The following MINDY4 variants were observed in gnomAD, a reference collection of about 807,000 sequenced individuals.
The protein encoded by MINDY4 is MINDY lysine 48 deubiquitinase 4, also known as probable ubiquitin carboxyl-terminal hydrolase MINDY-4.
In MINDY4, 68 loss-of-function variants were observed where a neutral mutation model predicts 87.0. The observed-to-expected ratio is 0.78, with a 90% CI of 0.64 to 0.96. MINDY4 has a LOEUF of 0.96. Ranked by LOEUF, MINDY4 falls within the 40% of genes least tolerant of loss-of-function variation. MINDY4 has a pLI of 0.00. For missense variants in MINDY4, 919 were observed against 928.2 expected (o/e 0.99, Z 0.13); for synonymous variants, 379 against 363.2 (o/e 1.04, Z -0.50).
chr7:30,801,494 C>T lies in MINDY4; in HGVS notation c.1073+9920C>T, dbSNP rs182190412. Among the ~76,000 whole-genome samples, 35 of 152,122 alleles carry T rather than the reference C, an allele frequency of 2.3e-4. No individual in the cohort carries two copies. In the East Asian group the frequency reaches 3.3e-3, roughly 14 times the overall value. On this transcript the variant is annotated intron_variant, in intron 5 of 17. Coordinates refer to ENST00000265299, the MANE Select transcript of MINDY4 (RefSeq NM_032222.3). ...GTCCTCCACACCTGCCATTGATGCC[C>T]GATGCTCAGCCACTTCTCCCCACTT...
intron 2 of MINDY4, chr7:30,780,089 C>G (rs1386723810): frequency 6.6e-6 from 1 of 152,220 alleles, no homozygotes; most frequent in Non-Finnish European, 1.5e-5. Flanking sequence ...CTATCAGAGG[C>G]TCAGTGAAGA....
At chr7:30,798,063 A>G (rs1441769616) in intron 5 of MINDY4, among the ~76,000 whole-genome samples, 1 of 152,176 alleles carries the variant, frequency 6.6e-6, no homozygotes, top group East Asian at 1.9e-4. Context: ...CATAGAGTGT[A>G]CTTACACTGA....
intron 6 of MINDY4, among the ~76,000 whole-genome samples, chr7:30,831,179 T>C (rs1157080898): frequency 6.6e-6 from 1 of 152,144 alleles, no homozygotes; most frequent in East Asian, 1.9e-4. Context: ...ATCCAATGGG[T>C]ATTTCAGGAC....
In MINDY4 at chr7:30,838,311, AGAGG is replaced by A. The variant is rs937721068; in HGVS notation, c.1240-887_1240-884del. Among the ~76,000 whole-genome samples the A allele has an allele frequency of 3.9e-3, 588 of 152,240 alleles. 3 individuals carry two copies. Among genetic ancestry groups the A allele is most frequent in the African/African-American group, 0.014 (568 of 41,538 alleles). On this transcript the variant is annotated intron_variant, in intron 7 of 17. Coordinates refer to ENST00000265299, the MANE Select transcript of MINDY4 (RefSeq NM_032222.3). ...CTGGAGAAGACAGCCGTGAGAAAGT[AGAGG>A]GGCTGCCTTGAGAGGTGGTGGGAAC...
At chr7:30,798,646 G>A (rs1311794403) in intron 5 of MINDY4, among the ~76,000 whole-genome samples, 4 of 152,254 alleles carry the variant, frequency 2.6e-5, no homozygotes, top group African/African-American at 7.2e-5. Context: ...GCAGTCGCCC[G>A]CCACCACGCC....
At chr7:30,871,948 C>A (rs776077961) in intron 13 of MINDY4, among the ~76,000 whole-genome samples, 1 of 152,166 alleles carries the variant, frequency 6.6e-6, no homozygotes, top group Non-Finnish European at 1.5e-5. Context: ...TCCTCTCTAC[C>A]GTGTCACGCT....
chr7:30,819,892 A>ATTTTTTTTT (rs60124746), intron 5 of MINDY4, among the ~76,000 whole-genome samples: 2 of 96,660 alleles, frequency 2.1e-5, no homozygotes, highest in Non-Finnish European at 3.8e-5. Context: ...CATATAGATA[A>ATTTTTTTTT]TTTTTTTTTT....
intron 9 of MINDY4, among the ~76,000 whole-genome samples, chr7:30,844,361 C>T (rs75003077): frequency 0.017 from 2,614 of 152,232 alleles, 65 homozygotes; most frequent in East Asian, 0.13. Context: ...TCTCCCCTGA[C>T]CCCAGCAAGG....
At chr7:30,861,244 C>A (rs73076220) in intron 13 of MINDY4, among the ~76,000 whole-genome samples, 6 of 152,344 alleles carry the variant, frequency 3.9e-5, no homozygotes, top group Non-Finnish European at 7.3e-5. Context: ...GCCTCCCCTT[C>A]CCCTCTCCTA....
intron 8 of MINDY4, among the ~76,000 whole-genome samples, chr7:30,839,868 T>A (rs1018380978): frequency 6.6e-6 from 1 of 152,094 alleles, no homozygotes; most frequent in African/African-American, 2.4e-5. Flanking sequence ...AGAACATGGC[T>A]TATACCCAGT....
intron 5 of MINDY4, among the ~76,000 whole-genome samples, chr7:30,818,695 G>A (rs1051825968): frequency 2.0e-5 from 3 of 152,190 alleles, no homozygotes; most frequent in Non-Finnish European, 4.4e-5. Flanking sequence ...GAACACATCA[G>A]TAAAACTCTT....
chr7:30,779,784 T>G (rs1786951708), intron 2 of MINDY4: 1 of 152,208 alleles, frequency 6.6e-6, no homozygotes, highest in Non-Finnish European at 1.5e-5. Context: ...TCAAGCATAT[T>G]TTAACTGTAA....
chr7:30,866,578 A>C (rs10277002), intron 13 of MINDY4, among the ~76,000 whole-genome samples: 28,097 of 152,096 alleles, frequency 0.18, 3,972 homozygotes, highest in African/African-American at 0.39. Context: ...GTTGGTGGGT[A>C]CCCTTAGGAA....
intron 15 of MINDY4, among the ~76,000 whole-genome samples, chr7:30,877,491 T>G (rs1241563734): frequency 1.3e-5 from 2 of 152,116 alleles, no homozygotes; most frequent in African/African-American, 4.8e-5. Context: ...CTGGGAGTTT[T>G]GTTTCCCTGC....
chr7:30,865,974 G>A (rs1789921677), intron 13 of MINDY4, among the ~76,000 whole-genome samples: 1 of 152,240 alleles, frequency 6.6e-6, no homozygotes, highest in Non-Finnish European at 1.5e-5. Context: ...TTGACTACCT[G>A]CTGTCCTCTC....
At chr7:30,831,228 C>T (rs149625570) in intron 6 of MINDY4, among the ~76,000 whole-genome samples, 45 of 152,334 alleles carry the variant, frequency 3.0e-4, no homozygotes, top group African/African-American at 9.9e-4. Context: ...TTTCCCTGAG[C>T]ATTTATAGCA....
rs768186750 is a variant in MINDY4 at position 30,785,838 on chromosome 7, G to T, written c.509G>T (p.Gly170Val). The T allele has an allele frequency of 1.2e-6, 2 of 1,614,224 alleles. No homozygotes were observed. The highest frequency in any genetic ancestry group is 3.3e-5 in the Admixed American group (2 of 60,032). Residue 170 changes from glycine to valine, a missense_variant, in exon 4 of 18, where the codon GGT becomes GTT. Transcript: ENST00000265299. ...AGTAAGCCCATGCAGACGGTCCCGG[G>T]TGAAACTCCTGTGTTGACTTCTGCA... Reference protein sequence around the residue: ...HKSKPMQTVPGETPVLTSAWE... With the variant: ...HKSKPMQTVPVETPVLTSAWE...
intron 7 of MINDY4, 55 bp from the exon 8 acceptor site, chr7:30,839,145 T>G (rs777902707): frequency 3.4e-5 from 41 of 1,194,844 alleles, no homozygotes; most frequent in Admixed American, 6.4e-5. Context: ...ACACTGAACA[T>G]CGTATTGTTG....
At chr7:30,817,475 G>T (rs1207418098) in intron 5 of MINDY4, among the ~76,000 whole-genome samples, 1 of 149,898 alleles carries the variant, frequency 6.7e-6, no homozygotes, top group African/African-American at 2.5e-5. Flanking sequence ...TGCTTCTCCA[G>T]CAGTTCAGTC....
Sources: allele counts gnomAD v4.1 joint callset (sites outside exome capture counted in the v4.1 genomes callset), GRCh38; gene constraint gnomAD v4.1.1; transcripts MANE v1.5; gene names NCBI Gene and HGNC (gene_info 2026-07-23, HGNC 2026-07-21).